TDRD6: variants seen among roughly 807,000 people sequenced by gnomAD.
TDRD6 encodes the protein tudor domain-containing protein 6.
TDRD6 carries 186 observed loss-of-function variants against 157.5 expected under a neutral mutation model. The observed-to-expected ratio is 1.18, with a 90% CI of 1.05 to 1.33. The LOEUF (loss-of-function observed/expected upper bound fraction) is 1.33, where lower values mean the gene tolerates loss of function less well. TDRD6 is among the 40% of genes most tolerant of loss of function. The pLI is 0.00. For synonymous variants in TDRD6, 1,075 were observed against 945.2 expected (o/e 1.14, Z -2.52); for missense variants, 3,066 against 2,508.0 (o/e 1.22, Z -4.75).
intron 3 of TDRD6, 68 bp from the exon 4 acceptor site, chr6:46,701,786 ACACC>A: frequency 6.8e-7 from 1 of 1,473,976 alleles, no homozygotes; most frequent in African/African-American, 1.4e-5. Context: ...TGTCATGGTA[ACACC>A]CATGGAAATA....
At position 46,692,678 on chromosome 6, in the gene TDRD6, A is replaced by G. The variant is rs1263245421; in HGVS notation, c.4550A>G (p.Glu1517Gly). The part of the protein sequence containing the change: ...TSVFLNWYNP[E>G]KKMIRAYATV... ...GTATTTCTTAACTGGTATAATCCAGAAAAAAAAATGATAAGAGCTTATGCC... is the reference window on the plus strand; with the variant it reads ...GTATTTCTTAACTGGTATAATCCAGGAAAAAAAATGATAAGAGCTTATGCC... The change falls in exon 1 of 4, where the codon GAA becomes GGA. Residue 1517 changes from glutamate (E) to glycine (G), a missense_variant. By Grantham distance (98) the Glu-to-Gly change is moderately conservative (BLOSUM62 -2). Coordinates refer to ENST00000316081, the MANE Select transcript of TDRD6 (RefSeq NM_001010870.3). 3.7e-6 allele frequency: 6 copies of G among 1,608,920 alleles called. No individual in the cohort carries two copies. The East Asian group carries it at 1.1e-4, about 30-fold the overall frequency.
Position 46,688,084 on chromosome 6 carries a change from G to C in TDRD6, c.-45G>C, listed in dbSNP as rs939030648. ...GCGGAGGATTTCGAGGCCCTGAGGCGCGGCCCTTAATTTCCGGAAGTGGGG... is the reference window on the plus strand; with the variant it reads ...GCGGAGGATTTCGAGGCCCTGAGGCCCGGCCCTTAATTTCCGGAAGTGGGG... On this transcript the variant is annotated 5_prime_UTR_variant, in exon 1 of 4. Coordinates refer to ENST00000316081, the MANE Select transcript of TDRD6 (RefSeq NM_001010870.3). 2 of 1,434,818 alleles carry C rather than the reference G, an allele frequency of 1.4e-6. No individual in the cohort carries two copies. The highest frequency in any genetic ancestry group is 1.8e-6 in the Non-Finnish European group (2 of 1,103,766). The allele number at this position is 1,434,818 out of a possible 1,614,324, so 88.9% of individuals were successfully genotyped here.
rs377047426 is a variant in TDRD6, at chr6:46,690,207, G to A, written c.2079G>A (p.Thr693=). Reference sequence around the variant, plus strand: ...GGCATGTTTCAAACCACTTTACTACGGAGAGTAACAAAATACCTTTTGCCA... The same window carrying A: ...GGCATGTTTCAAACCACTTTACTACAGAGAGTAACAAAATACCTTTTGCCA... ...SPGHVSNHFT[T]ESNKIPFAKT... is the part of the protein sequence containing the mutation. The change falls in exon 1 of 4, where the codon ACG becomes ACA. Residue 693 remains threonine (T), a synonymous_variant. Coordinates refer to ENST00000316081, the MANE Select transcript of TDRD6 (RefSeq NM_001010870.3). The A allele has an allele frequency of 7.4e-6, 12 of 1,613,696 alleles. No homozygotes were observed. The highest frequency in any genetic ancestry group is 2.7e-5 in the African/African-American group (2 of 74,896).
Position 46,689,361 on chromosome 6 carries a change from T to G in TDRD6, c.1233T>G (p.Phe411Leu), listed in dbSNP as rs979417105. Residue 411 changes from phenylalanine (F) to leucine (L), a missense_variant, in exon 1 of 4, where the codon TTT becomes TTG. Coordinates refer to ENST00000316081, the MANE Select transcript of TDRD6 (RefSeq NM_001010870.3). ...LGKAVNAKIEFYCSFEHVYYV... is the reference protein window; with the variant it reads ...LGKAVNAKIELYCSFEHVYYV... ...AGGCAGTGAATGCAAAGATTGAATT[T>G]TATTGCTCCTTTGAGCATGTGTATT... 2.5e-6 allele frequency: 4 copies of G among 1,614,002 alleles called. No homozygotes were observed. Among genetic ancestry groups the G allele is most frequent in the Non-Finnish European group, 3.4e-6 (4 of 1,180,040 alleles).
intron 1 of TDRD6, among the ~76,000 whole-genome samples, chr6:46,695,236 T>C (rs1187339888): frequency 6.6e-6 from 1 of 152,172 alleles, no homozygotes; most frequent in Non-Finnish European, 1.5e-5. Flanking sequence ...TGTCTTTTAC[T>C]GTCTTTGTGT....
chr6:46,699,635 C>A (rs1416056953), intron 3 of TDRD6, among the ~76,000 whole-genome samples: 1 of 151,936 alleles, frequency 6.6e-6, no homozygotes, highest in Admixed American at 6.6e-5. Context: ...ATTTGGCCCA[C>A]CCTCAGATCA....
In TDRD6 at chr6:46,694,153, G is replaced by T; in HGVS notation, c.6025G>T (p.Gly2009Cys). The change falls in exon 1 of 4, where the codon GGT (glycine) becomes TGT (cysteine). Residue 2009 changes from glycine (G) to cysteine (C), a missense_variant. Gly to Cys is a radical substitution (Grantham distance 159). Transcript: ENST00000316081. ...ESSDGSKHNNGLPDHISAQLQ... is the reference protein window; with the variant it reads ...ESSDGSKHNNCLPDHISAQLQ... ...CAGTGATGGAAGCAAGCACAATAAT[G>T]GTTTACCAGATCATATCTCAGGTAT... is the stretch of plus-strand genomic sequence containing the variant. 2 of 1,555,776 alleles carry T rather than the reference G, an allele frequency of 1.3e-6. No homozygotes were observed. The highest frequency in any genetic ancestry group is 1.7e-6 in the Non-Finnish European group (2 of 1,156,024).
At chr6:46,681,773 T>A in the TDRD6 span, among the ~76,000 whole-genome samples, 1 of 152,192 alleles carries the variant, frequency 6.6e-6, no homozygotes, top group Non-Finnish European at 1.5e-5. Flanking sequence ...AGGAAATACA[T>A]GCTACAGCAT....
Position 46,691,005 on chromosome 6 carries a change from A to T in TDRD6, c.2877A>T (p.Pro959=). ...HFLVEKRLAR[P]VKLQKPLESS... is the part of the protein sequence containing the mutation. ...TGGTAGAAAAGAGACTTGCAAGACCAGTAAAACTTCAGAAGCCTTTGGAGT... is the reference window on the plus strand; with the variant it reads ...TGGTAGAAAAGAGACTTGCAAGACCTGTAAAACTTCAGAAGCCTTTGGAGT... Residue 959 remains proline (P), a synonymous_variant, in exon 1 of 4, where the codon CCA becomes CCT. Transcript: ENST00000316081. 1 of 1,613,984 alleles carries T rather than the reference A, an allele frequency of 6.2e-7. No individual in the cohort carries two copies. The highest frequency in any genetic ancestry group is 8.5e-7 in the Non-Finnish European group (1 of 1,179,952).
chr6:46,685,792 CCTT>C (rs2150672889), upstream of TDRD6, among the ~76,000 whole-genome samples: 1 of 152,192 alleles, frequency 6.6e-6, no homozygotes, highest in East Asian at 1.9e-4. Flanking sequence ...ATCCCCTCTC[CCTT>C]CTTTTCCGAA....
intron 3 of TDRD6, among the ~76,000 whole-genome samples, 154 bp from the exon 4 acceptor site, chr6:46,701,704 T>A (rs912449188): frequency 3.3e-5 from 5 of 152,164 alleles, no homozygotes; most frequent in Non-Finnish European, 7.4e-5. Context: ...AAACATTGTT[T>A]CTATAGAAAT....
chr6:46,692,331 A>G lies in TDRD6; in HGVS notation c.4203A>G (p.Ile1401Met), dbSNP rs1448088971. ...GNVSVVHTNK[I>M]GRLDLVNAIL... ...TTTCTGTGGTTCATACTAACAAAAT[A>G]GGTAGGCTTGACCTTGTTAATGCAA... Residue 1401 changes from isoleucine to methionine, a missense_variant, in exon 1 of 4, where the codon ATA (isoleucine) becomes ATG (methionine). Transcript: ENST00000316081. 1 of 1,614,206 alleles carries G rather than the reference A, an allele frequency of 6.2e-7. No homozygotes were observed. The highest frequency in any genetic ancestry group is 8.5e-7 in the Non-Finnish European group (1 of 1,180,012).
In TDRD6 at chr6:46,689,281, G is replaced by T. The variant is rs1158947395; in HGVS notation, c.1153G>T (p.Gly385Trp). 1.2e-6 allele frequency: 2 copies of T among 1,614,084 alleles called. No homozygotes were observed. The highest frequency in any genetic ancestry group is 2.7e-5 in the African/African-American group (2 of 74,926). Residue 385 changes from glycine (G) to tryptophan (W), a missense_variant, in exon 1 of 4, where the codon GGG becomes TGG. Coordinates refer to ENST00000316081, the MANE Select transcript of TDRD6 (RefSeq NM_001010870.3). Reference sequence around the variant, plus strand: ...TGCTTTGTATGGACTCTGGGACGGTGGGAGAGGCTGGTCTCGGTCACAGGT... The same window carrying T: ...TGCTTTGTATGGACTCTGGGACGGTTGGAGAGGCTGGTCTCGGTCACAGGT... ...PCALYGLWDG[G>W]RGWSRSQVGD...
Position 46,692,491 on chromosome 6 carries a change from C to T in TDRD6, c.4363C>T (p.Gln1455Ter). 4 of 1,613,742 alleles carry T rather than the reference C, an allele frequency of 2.5e-6. No individual in the cohort carries two copies. The highest frequency in any genetic ancestry group is 2.5e-6 in the Non-Finnish European group (3 of 1,179,998). Residue 1455 changes from glutamine (Q) to a stop codon, truncating the protein, a stop_gained, in exon 1 of 4, where the codon CAA becomes TAA. Coordinates refer to ENST00000316081, the MANE Select transcript of TDRD6 (RefSeq NM_001010870.3). LOFTEE classifies it high-confidence loss of function. ...AATAAGATGTGAATTTGTTAAATTTCAAGACAGATGGGAAGTTATTCTTGC... is the reference window on the plus strand; with the variant it reads ...AATAAGATGTGAATTTGTTAAATTTTAAGACAGATGGGAAGTTATTCTTGC... ...AAIRCEFVKF[Q>*]DRWEVILADE...
Position 46,691,439 on chromosome 6 carries a change from C to T in TDRD6, c.3311C>T (p.Pro1104Leu), listed in dbSNP as rs1246682234. The change falls in exon 1 of 4, where the codon CCT becomes CTT. Residue 1104 changes from proline to leucine, a missense_variant. Pro to Leu is a moderately conservative substitution (Grantham distance 98). Coordinates refer to ENST00000316081, the MANE Select transcript of TDRD6 (RefSeq NM_001010870.3). ...GTCAGATGTTCATTATCTGATATTC[C>T]TGATCATATACCAGAAGAAGTGGTG... is the stretch of plus-strand genomic sequence containing the variant. ...QAVRCSLSDI[P>L]DHIPEEVVVW... 1.2e-6 allele frequency: 2 copies of T among 1,613,854 alleles called. No individual in the cohort carries two copies. Among genetic ancestry groups the T allele is most frequent in the Non-Finnish European group, 1.7e-6 (2 of 1,179,954 alleles).
At chr6:46,701,008 CAA>C (rs749891706) in intron 3 of TDRD6, 2 of 457,806 alleles carry the variant, frequency 4.4e-6, no homozygotes, top group East Asian at 7.0e-5. Flanking sequence ...GGCTGTATCC[CAA>C]AGAGTAGGGA....
rs765170688 is a variant in TDRD6 at position 46,691,762 on chromosome 6, T to G, written c.3634T>G (p.Ser1212Ala). ...KLPNKEILEE[S>A]YKPQINSSYK... Reference sequence around the variant, plus strand: ...ACCTAATAAAGAAATTTTGGAAGAGTCATATAAACCTCAGATCAACTCATC... The same window carrying G: ...ACCTAATAAAGAAATTTTGGAAGAGGCATATAAACCTCAGATCAACTCATC... Residue 1212 changes from serine to alanine, a missense_variant, in exon 1 of 4, where the codon TCA becomes GCA. Ser to Ala is a moderately conservative substitution (Grantham distance 99, BLOSUM62 1). Coordinates refer to ENST00000316081, the MANE Select transcript of TDRD6 (RefSeq NM_001010870.3). 1 of 1,593,976 alleles carries G rather than the reference T, an allele frequency of 6.3e-7. No individual in the cohort carries two copies. The highest frequency in any genetic ancestry group is 8.5e-7 in the Non-Finnish European group (1 of 1,174,982).
Position 46,691,127 on chromosome 6 carries a change from CA to C in TDRD6, c.3000del (p.Tyr1002IlefsTer11). ...VYITHIDDPW[T>X]FYCQLARNAN... Reference sequence around the variant, plus strand: ...ATAACGCATATTGATGACCCTTGGACATTTTATTGCCAGCTGGCAAGAAATG... The same window carrying C: ...ATAACGCATATTGATGACCCTTGGACTTTTATTGCCAGCTGGCAAGAAATG... On this transcript the variant is annotated frameshift_variant, in exon 1 of 4. Transcript: ENST00000316081. LOFTEE classifies it high-confidence loss of function. 1 of 1,613,864 alleles carries C rather than the reference CA, an allele frequency of 6.2e-7. No homozygotes were observed. The highest frequency in any genetic ancestry group is 8.5e-7 in the Non-Finnish European group (1 of 1,179,926).
Position 46,689,335 on chromosome 6 carries a change from A to G in TDRD6, c.1207A>G (p.Lys403Glu). ...VGDLKTLILG[K>E]AVNAKIEFYC... ...TGACCTGAAGACACTGATACTAGGC[A>G]AGGCAGTGAATGCAAAGATTGAATT... The change falls in exon 1 of 4, where the codon AAG becomes GAG. Residue 403 changes from lysine to glutamate, a missense_variant. Physicochemically the swap from Lys to Glu is moderately conservative, Grantham distance 56. Coordinates refer to ENST00000316081, the MANE Select transcript of TDRD6 (RefSeq NM_001010870.3). 2 of 1,614,164 alleles carry G rather than the reference A, an allele frequency of 1.2e-6. No individual in the cohort carries two copies. Among genetic ancestry groups the G allele is most frequent in the Non-Finnish European group, 1.7e-6 (2 of 1,180,018 alleles).
Sources: allele counts gnomAD v4.1 joint callset (sites outside exome capture counted in the v4.1 genomes callset), GRCh38; gene constraint gnomAD v4.1.1; transcripts MANE v1.5; gene names NCBI Gene and HGNC (gene_info 2026-07-23, HGNC 2026-07-21).